The following PURA variants were observed in gnomAD, a reference collection of about 807,000 sequenced individuals.
PURA encodes the protein purine rich element binding protein A.
Under a neutral mutation model 23.1 loss-of-function variants are expected in PURA, and 2 were observed. That is an observed-to-expected ratio of 0.09 (90% CI 0.04 to 0.27). The LOEUF is 0.27. Ranked by LOEUF, PURA falls within the 10% of genes least tolerant of loss-of-function variation. The pLI, the probability that PURA is intolerant of heterozygous loss-of-function variation, is 1.00. For missense variants in PURA, 187 were observed against 449.7 expected (o/e 0.42, Z 5.28); for synonymous variants, 254 against 205.9 (o/e 1.23, Z -2.00).
Position 140,115,216 on chromosome 5 carries a change from G to C in PURA, c.*66G>C, listed in dbSNP as rs746975346. ...ACACACACACACAGCCACACACACA[G>C]AAAATATACTGTAAAGAAAGAGAGA... On this transcript the variant is annotated 3_prime_UTR_variant, in exon 1 of 1. Coordinates refer to ENST00000331327, the MANE Select transcript of PURA (RefSeq NM_005859.5). This position sits in a 1 kb window ranked among gnomAD's most constrained non-coding sequence, Gnocchi z 4.1. 148 of 813,530 alleles carry C rather than the reference G, an allele frequency of 1.8e-4. No individual in the cohort carries two copies. The highest frequency in any genetic ancestry group is 7.8e-4 in the Admixed American group (20 of 25,554). 50.4% of individuals were successfully genotyped at this position (813,530 alleles called of 1,614,324 possible).
chr5:140,119,352 T>C lies in PURA; in HGVS notation c.*4202T>C, dbSNP rs1763124435. 1 of 166,956 alleles carries C rather than the reference T, an allele frequency of 6.0e-6. No individual in the cohort carries two copies. Among genetic ancestry groups the C allele is most frequent in the African/African-American group, 2.4e-5 (1 of 41,456 alleles). The allele number at this position is 166,956 out of a possible 1,614,324, so 10.3% of individuals were successfully genotyped here. A position where few individuals can be genotyped will look rare whatever the true frequency, so the allele number is the denominator to read the frequency against. ...GTACTGGCATACAGAAAATAGGGTATTGATTTTAAACTTTTTGAAGCCAAG... is the reference window on the plus strand; with the variant it reads ...GTACTGGCATACAGAAAATAGGGTACTGATTTTAAACTTTTTGAAGCCAAG... On this transcript the variant is annotated 3_prime_UTR_variant, in exon 1 of 1. Transcript: ENST00000331327.
rs1445639004 is a variant in PURA, at chr5:140,115,497, TAACC to T, written c.*350_*353del. ...AGAACTGAGTGTTTATTTCCCTAAT[TAACC>T]AAGAACTTTTGTACACGTTTAAGCT... On this transcript the variant is annotated 3_prime_UTR_variant, in exon 1 of 1. Coordinates refer to ENST00000331327, the MANE Select transcript of PURA (RefSeq NM_005859.5). The surrounding 1 kb of genome is among the most constrained non-coding windows in gnomAD (Gnocchi z 4.1). 1.7e-5 allele frequency: 3 copies of T among 177,932 alleles called. No individual in the cohort carries two copies. Among genetic ancestry groups the T allele is most frequent in the Non-Finnish European group, 4.0e-5 (3 of 75,562 alleles). The allele number at this position is 177,932 out of a possible 1,614,324, so 11.0% of individuals were successfully genotyped here.
At position 140,122,074 on chromosome 5, in the gene PURA, TGTTA is replaced by T. The variant is rs1669841273; in HGVS notation, c.*6929_*6932del. 1 of 166,852 alleles carries T rather than the reference TGTTA, an allele frequency of 6.0e-6. No individual in the cohort carries two copies. Among genetic ancestry groups the T allele is most frequent in the South Asian group, 2.1e-4 (1 of 4,830 alleles). The allele number at this position is 166,852 out of a possible 1,614,324, so 10.3% of individuals were successfully genotyped here. A position where few individuals can be genotyped will look rare whatever the true frequency, so the allele number is the denominator to read the frequency against. ...GGTCCCTCATTGATTATGAGAAAGC[TGTTA>T]GTTACTATAGCTAGAGTTATGATAA... On this transcript the variant is annotated 3_prime_UTR_variant, in exon 1 of 1. Transcript: ENST00000331327.
chr5:140,121,858 C>A lies in PURA; in HGVS notation c.*6708C>A, dbSNP rs189725471. On this transcript the variant is annotated 3_prime_UTR_variant, in exon 1 of 1. Coordinates refer to ENST00000331327, the MANE Select transcript of PURA (RefSeq NM_005859.5). Reference sequence around the variant, plus strand: ...CTGGTTTGGAAATTGGAGAGTAGGACGAGGAGAGCTGTTTAATGTGTTTGT... The same window carrying A: ...CTGGTTTGGAAATTGGAGAGTAGGAAGAGGAGAGCTGTTTAATGTGTTTGT... The A allele has an allele frequency of 1.8e-5, 3 of 166,436 alleles. No individual in the cohort carries two copies. The highest frequency in any genetic ancestry group is 7.3e-5 in the African/African-American group (3 of 41,288). 10.3% of individuals were successfully genotyped at this position (166,436 alleles called of 1,614,324 possible). A position where few individuals can be genotyped will look rare whatever the true frequency, so the allele number is the denominator to read the frequency against.
Position 140,114,142 on chromosome 5 carries a change from A to C in PURA, c.-40A>C, listed in dbSNP as rs1291700288. 1 of 478,608 alleles carries C rather than the reference A, an allele frequency of 2.1e-6. No homozygotes were observed. The allele number at this position is 478,608 out of a possible 1,614,324, so 29.6% of individuals were successfully genotyped here. A position where few individuals can be genotyped will look rare whatever the true frequency, so the allele number is the denominator to read the frequency against. The stretch of plus-strand genomic sequence containing the variant: ...CTGAGGCGACTGAGGCGGCGGGCGG[A>C]GCGGCAGGCGGCGGCGGCGCGGCAG... On this transcript the variant is annotated 5_prime_UTR_variant, in exon 1 of 1. Transcript: ENST00000331327.
Position 140,116,275 on chromosome 5 carries a change from C to G in PURA, c.*1125C>G, listed in dbSNP as rs1457186840. 6.0e-6 allele frequency: 1 copy of G among 167,048 alleles called. No homozygotes were observed. The highest frequency in any genetic ancestry group is 1.5e-5 in the Non-Finnish European group (1 of 68,118). 10.3% of individuals were successfully genotyped at this position (167,048 alleles called of 1,614,324 possible). ...ACTGTCTCCTAAACTTGTAAGAGGT[C>G]TGAAGCTATTCTTTGATTTTTGCTA... On this transcript the variant is annotated 3_prime_UTR_variant, in exon 1 of 1. Transcript: ENST00000331327.
chr5:140,119,873 T>TAC lies in PURA; in HGVS notation c.*4731_*4732dup, dbSNP rs1211990490. The TAC allele has an allele frequency of 6.0e-6, 1 of 166,668 alleles. No homozygotes were observed. The highest frequency in any genetic ancestry group is 1.5e-5 in the Non-Finnish European group (1 of 67,946). The allele number at this position is 166,668 out of a possible 1,614,324, so 10.3% of individuals were successfully genotyped here. On this transcript the variant is annotated 3_prime_UTR_variant, in exon 1 of 1. Coordinates refer to ENST00000331327, the MANE Select transcript of PURA (RefSeq NM_005859.5). ...CCCACTCATTTTTTCAGGTTATATA[T>TAC]ACACACACATTTCCAGATAATTTTA...
chr5:140,115,112 C>G lies in PURA; in HGVS notation c.931C>G (p.Leu311Val), dbSNP rs184690519. The G allele has an allele frequency of 1.2e-6, 2 of 1,603,536 alleles. No homozygotes were observed. The highest frequency in any genetic ancestry group is 2.2e-5 in the East Asian group (1 of 44,702). Reference sequence around the variant, plus strand: ...GCAGGAGGAGACCGCCGCTGCCACCCTGCTACTGCAGGGTGAGGAAGAAGG... The same window carrying G: ...GCAGGAGGAGACCGCCGCTGCCACCGTGCTACTGCAGGGTGAGGAAGAAGG... ...QQQEETAAAT[L>V]LLQGEEEGEE... is the part of the protein sequence containing the mutation. The change falls in exon 1 of 1, where the codon CTG (leucine) becomes GTG (valine). Residue 311 changes from leucine (L) to valine (V), a missense_variant. Physicochemically the swap from Leu to Val is conservative, Grantham distance 32. This residue lies in a region of PURA where 65 missense variants were observed against 158.6 expected (regional missense o/e 0.41). Coordinates refer to ENST00000331327, the MANE Select transcript of PURA (RefSeq NM_005859.5). This position sits in a 1 kb window ranked among gnomAD's most constrained non-coding sequence, Gnocchi z 4.1.
In PURA at chr5:140,119,181, G is replaced by C. The variant is rs1395979539; in HGVS notation, c.*4031G>C. ...TTTAGCTACCTATTCTAAAAATGGT[G>C]AATATTATTAATATTGTATAATAGG... On this transcript the variant is annotated 3_prime_UTR_variant, in exon 1 of 1. Transcript: ENST00000331327. 6.0e-6 allele frequency: 1 copy of C among 166,834 alleles called. No homozygotes were observed. The highest frequency in any genetic ancestry group is 1.5e-5 in the Non-Finnish European group (1 of 67,978). 10.3% of individuals were successfully genotyped at this position (166,834 alleles called of 1,614,324 possible).
In PURA at chr5:140,125,360, C is replaced by T. The variant is rs953970902; in HGVS notation, c.*10210C>T. 3.6e-5 allele frequency: 6 copies of T among 166,962 alleles called. No individual in the cohort carries two copies. The highest frequency in any genetic ancestry group is 1.4e-4 in the African/African-American group (6 of 41,406). The allele number at this position is 166,962 out of a possible 1,614,324, so 10.3% of individuals were successfully genotyped here. Reference sequence around the variant, plus strand: ...CAAAATGTGACATTGCAACCAGCTTCGTTAGACATTATAACAACCAGAGAG... The same window carrying T: ...CAAAATGTGACATTGCAACCAGCTTTGTTAGACATTATAACAACCAGAGAG... On this transcript the variant is annotated 3_prime_UTR_variant, in exon 1 of 1. Transcript: ENST00000331327.
In PURA at chr5:140,116,552, A is replaced by C. The variant is rs1763082022; in HGVS notation, c.*1402A>C. On this transcript the variant is annotated 3_prime_UTR_variant, in exon 1 of 1. Coordinates refer to ENST00000331327, the MANE Select transcript of PURA (RefSeq NM_005859.5). ...ATATATTCAAGGTGTAGGGTATGAA[A>C]ATGCAAAGTTTAGGAGAGCACTTTA... The C allele has an allele frequency of 6.0e-6, 1 of 166,906 alleles. No homozygotes were observed. Among genetic ancestry groups the C allele is most frequent in the Admixed American group, 6.6e-5 (1 of 15,252 alleles). 10.3% of individuals were successfully genotyped at this position (166,906 alleles called of 1,614,324 possible).
rs960826096 is a variant in PURA, at chr5:140,116,841, G to C, written c.*1691G>C. ...TGGTAAAAAAAAAAAAAAAAAAAAA[G>C]GGTCTTGTCTGACAGAGAGTTCTGG... is the stretch of plus-strand genomic sequence containing the variant. On this transcript the variant is annotated 3_prime_UTR_variant, in exon 1 of 1. Coordinates refer to ENST00000331327, the MANE Select transcript of PURA (RefSeq NM_005859.5). 1 of 152,032 alleles carries C rather than the reference G, an allele frequency of 6.6e-6. No individual in the cohort carries two copies. The highest frequency in any genetic ancestry group is 2.5e-5 in the African/African-American group (1 of 39,248). The allele number at this position is 152,032 out of a possible 1,614,324, so 9.4% of individuals were successfully genotyped here.
Position 140,115,125 on chromosome 5 carries a change from G to A in PURA, c.944G>A (p.Gly315Asp). The A allele has an allele frequency of 6.3e-7, 1 of 1,585,102 alleles. No individual in the cohort carries two copies. Among genetic ancestry groups the A allele is most frequent in the Non-Finnish European group, 8.6e-7 (1 of 1,165,692 alleles). The stretch of plus-strand genomic sequence containing the variant: ...GCCGCTGCCACCCTGCTACTGCAGG[G>A]TGAGGAAGAAGGGGAAGAAGATTGA... Reference protein sequence around the residue: ...ETAAATLLLQGEEEGEED With the variant: ...ETAAATLLLQDEEEGEED The change falls in exon 1 of 1, where the codon GGT (glycine) becomes GAT (aspartate). Residue 315 changes from glycine (G) to aspartate (D), a missense_variant. By Grantham distance (94) the Gly-to-Asp change is moderately conservative. Coordinates refer to ENST00000331327, the MANE Select transcript of PURA (RefSeq NM_005859.5). This position sits in a 1 kb window ranked among gnomAD's most constrained non-coding sequence, Gnocchi z 4.1.
At position 140,114,683 on chromosome 5, in the gene PURA, C is replaced by T. The variant is rs1305961737; in HGVS notation, c.502C>T (p.Leu168=). The change falls in exon 1 of 1, where the codon CTG becomes TTG. Residue 168 remains leucine, a synonymous_variant. Coordinates refer to ENST00000331327, the MANE Select transcript of PURA (RefSeq NM_005859.5). The stretch of plus-strand genomic sequence containing the variant: ...CAAGGAGAACCAGCGCGGCCGCTTC[C>T]TGCGCATCCGCCAGACGGTCAACCG... ...DLKENQRGRF[L]RIRQTVNRGP... The T allele has an allele frequency of 2.3e-5, 37 of 1,612,220 alleles. No individual in the cohort carries two copies. Among genetic ancestry groups the T allele is most frequent in the Non-Finnish European group, 2.8e-5 (33 of 1,179,824 alleles).
chr5:140,115,178 C>G lies in PURA; in HGVS notation c.*28C>G. On this transcript the variant is annotated 3_prime_UTR_variant, in exon 1 of 1. Transcript: ENST00000331327. The surrounding 1 kb of genome is among the most constrained non-coding windows in gnomAD (Gnocchi z 4.1). ...AAACTGAATGAAACCCCCACACACACACACATGCATACACACACACACACA... is the reference window on the plus strand; with the variant it reads ...AAACTGAATGAAACCCCCACACACAGACACATGCATACACACACACACACA... 7.6e-7 allele frequency: 1 copy of G among 1,324,398 alleles called. No individual in the cohort carries two copies. Among genetic ancestry groups the G allele is most frequent in the Non-Finnish European group, 1.0e-6 (1 of 967,826 alleles). The allele number at this position is 1,324,398 out of a possible 1,614,324, so 82.0% of individuals were successfully genotyped here. A position where few individuals can be genotyped will look rare whatever the true frequency, so the allele number is the denominator to read the frequency against.
In PURA at chr5:140,121,124, A is replaced by G. The variant is rs757633515; in HGVS notation, c.*5974A>G. On this transcript the variant is annotated 3_prime_UTR_variant, in exon 1 of 1. Coordinates refer to ENST00000331327, the MANE Select transcript of PURA (RefSeq NM_005859.5). The stretch of plus-strand genomic sequence containing the variant: ...CATTAGATGGAAAAATGTTTAAGCT[A>G]AAGAGTTTAATTTTCTTGATTTTGG... 16 of 166,946 alleles carry G rather than the reference A, an allele frequency of 9.6e-5. No individual in the cohort carries two copies. The highest frequency in any genetic ancestry group is 2.7e-4 in the African/African-American group (11 of 41,444). 10.3% of individuals were successfully genotyped at this position (166,946 alleles called of 1,614,324 possible). A position where few individuals can be genotyped will look rare whatever the true frequency, so the allele number is the denominator to read the frequency against.
rs566186675 is a variant in PURA, at chr5:140,120,414, T to G, written c.*5264T>G. 3.4e-4 allele frequency: 57 copies of G among 166,938 alleles called. No individual in the cohort carries two copies. The highest frequency in any genetic ancestry group is 1.3e-3 in the African/African-American group (53 of 41,552). The allele number at this position is 166,938 out of a possible 1,614,324, so 10.3% of individuals were successfully genotyped here. On this transcript the variant is annotated 3_prime_UTR_variant, in exon 1 of 1. Transcript: ENST00000331327. Reference sequence around the variant, plus strand: ...TATTTCTGTTTTCTTCATTGCATATTAACCAAATTTTGGCCATTCATAAGT... The same window carrying G: ...TATTTCTGTTTTCTTCATTGCATATGAACCAAATTTTGGCCATTCATAAGT...
chr5:140,124,021 GC>G lies in PURA; in HGVS notation c.*8872del, dbSNP rs1763179229. ...ACTTTGAGGGGGAAGGGAAGCAAGGGCAAGAGACTTTATTTTAACCAGATGC... is the reference window on the plus strand; with the variant it reads ...ACTTTGAGGGGGAAGGGAAGCAAGGGAAGAGACTTTATTTTAACCAGATGC... On this transcript the variant is annotated 3_prime_UTR_variant, in exon 1 of 1. Coordinates refer to ENST00000331327, the MANE Select transcript of PURA (RefSeq NM_005859.5). 6.0e-6 allele frequency: 1 copy of G among 166,854 alleles called. No homozygotes were observed. Among genetic ancestry groups the G allele is most frequent in the Non-Finnish European group, 1.5e-5 (1 of 68,026 alleles). 10.3% of individuals were successfully genotyped at this position (166,854 alleles called of 1,614,324 possible).
rs1478884827 is a variant in PURA at position 140,122,183 on chromosome 5, C to T, written c.*7033C>T. ...ACAAATTAGCACAATTGTGGAATGA[C>T]AGCTTTTCTGGTCAAGGCAAGTGGA... On this transcript the variant is annotated 3_prime_UTR_variant, in exon 1 of 1. Transcript: ENST00000331327. 5 of 166,852 alleles carry T rather than the reference C, an allele frequency of 3.0e-5. No homozygotes were observed. The highest frequency in any genetic ancestry group is 7.4e-5 in the Non-Finnish European group (5 of 67,996). 10.3% of individuals were successfully genotyped at this position (166,852 alleles called of 1,614,324 possible).
Sources: allele counts gnomAD v4.1 joint callset, GRCh38; gene constraint gnomAD v4.1.1; regional missense constraint gnomAD v4.1.1; non-coding constraint Gnocchi (gnomAD v3.1); transcripts MANE v1.5; gene names NCBI Gene and HGNC (gene_info 2026-07-23, HGNC 2026-07-21).